Variants in IL33 observed in about 807,000 individuals in gnomAD.
The protein encoded by IL33 is interleukin 33.
A neutral mutation model predicts 27.3 loss-of-function variants in IL33; 37 were observed. That is an observed-to-expected ratio of 1.36 (90% CI 1.04 to 1.78). The LOEUF (loss-of-function observed/expected upper bound fraction) is 1.78, where lower values mean the gene tolerates loss of function less well. Ranked by LOEUF, IL33 falls within the 40% of genes most tolerant of loss-of-function variation. IL33 has a pLI of 0.00. For synonymous variants in IL33, 132 were observed against 102.9 expected, an observed-to-expected ratio of 1.28 and a Z score of -1.71; for missense variants, 406 against 311.4, an observed-to-expected ratio of 1.30 and a Z score of -2.29.
chr9:6,233,106 AT>A (rs932903555), intron 1 of IL33, among the ~76,000 whole-genome samples: 4 of 152,120 alleles, frequency 2.6e-5, no homozygotes, highest in Non-Finnish European at 5.9e-5. Context: ...TCTCCAGAAC[AT>A]TTTTTTCATC....
chr9:6,222,665 A>C (rs990220731), intron 1 of IL33, among the ~76,000 whole-genome samples: 1 of 152,248 alleles, frequency 6.6e-6, no homozygotes, highest in African/African-American at 2.4e-5. Context: ...TGTTTTAGTC[A>C]AATTGTCACA....
intron 1 of IL33, among the ~76,000 whole-genome samples, chr9:6,230,310 A>G (rs923383938): frequency 6.6e-6 from 1 of 152,100 alleles, no homozygotes; most frequent in Non-Finnish European, 1.5e-5. Context: ...TTTATAGAGT[A>G]TTTCCTTTCC....
At position 6,257,486 on chromosome 9, in the gene IL33, G is replaced by C. The variant is rs1344615711; in HGVS notation, c.*1318G>C. 1 of 152,442 alleles carries C rather than the reference G, an allele frequency of 6.6e-6. No individual in the cohort carries two copies. The highest frequency in any genetic ancestry group is 1.5e-5 in the Non-Finnish European group (1 of 67,966). The allele number at this position is 152,442 out of a possible 1,614,324, so 9.4% of individuals were successfully genotyped here. ...CAATATTTTTTTGCTAAACGTTTTT[G>C]TTTTTTACTGTCACTAGGGCAATAA... On this transcript the variant is annotated 3_prime_UTR_variant, in exon 8 of 8. Transcript: ENST00000682010.
chr9:6,252,839 G>C (rs756508506), intron 4 of IL33, 27 bp from the exon 5 acceptor site: 17 of 1,590,420 alleles, frequency 1.1e-5, no homozygotes, highest in Non-Finnish European at 1.0e-5. Flanking sequence ...AATTGTGCCT[G>C]ACAAATTTTT....
At chr9:6,245,923 C>A (rs1175972194) in intron 2 of IL33, among the ~76,000 whole-genome samples, 2 of 151,078 alleles carry the variant, frequency 1.3e-5, no homozygotes, top group African/African-American at 4.9e-5. Context: ...ATTGCCTGGG[C>A]ATGGTGGCGG....
chr9:6,254,673 T>A, intron 7 of IL33, 120 bp downstream of exon 7: 1 of 472,582 alleles, frequency 2.1e-6, no homozygotes, highest in Non-Finnish European at 3.6e-6. Context: ...TTTTGTGTGC[T>A]ATTGTATATA....
intron 1 of IL33, among the ~76,000 whole-genome samples, chr9:6,223,378 T>G (rs1283267582): frequency 6.6e-6 from 1 of 152,104 alleles, no homozygotes; most frequent in Non-Finnish European, 1.5e-5. Flanking sequence ...CTGCACTTTT[T>G]TTTTTAAAAG....
intron 1 of IL33, among the ~76,000 whole-genome samples, chr9:6,238,846 C>A (rs1819375182): frequency 6.6e-6 from 1 of 152,148 alleles, no homozygotes; most frequent in Non-Finnish European, 1.5e-5. Flanking sequence ...CAGTGTCATA[C>A]CCTGATGTCG....
At chr9:6,253,367 C>G (rs1816523341) in intron 5 of IL33, among the ~76,000 whole-genome samples, 185 bp from the exon 6 acceptor site, 1 of 152,142 alleles carries the variant, frequency 6.6e-6, no homozygotes, top group Non-Finnish European at 1.5e-5. Context: ...TTAATAACAA[C>G]TATATTGGAG....
At chr9:6,252,541 C>T (rs1444028341) in intron 4 of IL33, among the ~76,000 whole-genome samples, 3 of 152,150 alleles carry the variant, frequency 2.0e-5, no homozygotes, top group Non-Finnish European at 4.4e-5. Context: ...TTACCACAGT[C>T]CCCAGACCAA....
chr9:6,239,145 G>T (rs1819391121), intron 1 of IL33, among the ~76,000 whole-genome samples: 1 of 152,160 alleles, frequency 6.6e-6, no homozygotes, highest in Non-Finnish European at 1.5e-5. Context: ...CGCAAACATA[G>T]AAAAGGAAGC....
intron 1 of IL33, among the ~76,000 whole-genome samples, chr9:6,217,510 G>C (rs1818197010): frequency 6.6e-6 from 1 of 152,138 alleles, no homozygotes; most frequent in Admixed American, 6.5e-5. Flanking sequence ...GGTTATGTCA[G>C]ATCTCCTTCA....
intron 1 of IL33, among the ~76,000 whole-genome samples, chr9:6,231,921 T>C (rs916072150): frequency 2.6e-5 from 4 of 152,220 alleles, no homozygotes; most frequent in African/African-American, 9.6e-5. Context: ...TGAGTATGCA[T>C]TTTTAGTAAG....
chr9:6,255,416 C>G (rs1465981198), intron 7 of IL33, among the ~76,000 whole-genome samples: 1 of 151,846 alleles, frequency 6.6e-6, no homozygotes, highest in Non-Finnish European at 1.5e-5. Context: ...AGACTGAGCT[C>G]TATTATATAG....
At position 6,256,180 on chromosome 9, in the gene IL33, C is replaced by T. The variant is rs188398710; in HGVS notation, c.*12C>T. On this transcript the variant is annotated 3_prime_UTR_variant, in exon 8 of 8. Coordinates refer to ENST00000682010, the MANE Select transcript of IL33 (RefSeq NM_033439.4). ...TCTCTGAAACTTAGTTGATGGAAACCTGTGAGTCTTGGGTTGAGTACCCAA... is the reference window on the plus strand; with the variant it reads ...TCTCTGAAACTTAGTTGATGGAAACTTGTGAGTCTTGGGTTGAGTACCCAA... 93 of 1,605,738 alleles carry T rather than the reference C, an allele frequency of 5.8e-5. No homozygotes were observed. The Admixed American group carries it at 6.2e-4, about 11-fold the overall frequency.
chr9:6,247,965 G>A (rs1490359307), intron 2 of IL33, among the ~76,000 whole-genome samples: 1 of 151,574 alleles, frequency 6.6e-6, no homozygotes, highest in Non-Finnish European at 1.5e-5. Context: ...TCAGTATTGT[G>A]ACCCTCACTT....
At chr9:6,220,260 T>G (rs1396458710) in intron 1 of IL33, among the ~76,000 whole-genome samples, 1 of 152,200 alleles carries the variant, frequency 6.6e-6, no homozygotes, top group Non-Finnish European at 1.5e-5. Flanking sequence ...CTTTGAACAT[T>G]CCATAAATTA....
chr9:6,251,751 A>C (rs1482247240), intron 4 of IL33, among the ~76,000 whole-genome samples: 2 of 151,936 alleles, frequency 1.3e-5, no homozygotes, highest in Non-Finnish European at 2.9e-5. Context: ...CATTAAAAAA[A>C]AAACTTGGCC....
At chr9:6,251,912 C>T (rs1816384342) in intron 4 of IL33, among the ~76,000 whole-genome samples, 1 of 151,614 alleles carries the variant, frequency 6.6e-6, no homozygotes, top group South Asian at 2.1e-4. Flanking sequence ...TGGTGATGTG[C>T]ACCCGTAATT....
Sources: allele counts gnomAD v4.1 joint callset (sites outside exome capture counted in the v4.1 genomes callset), GRCh38; gene constraint gnomAD v4.1.1; transcripts MANE v1.5; gene names NCBI Gene and HGNC (gene_info 2026-07-23, HGNC 2026-07-21).